Variants in IGSF5 observed in about 807,000 individuals in gnomAD.
IGSF5 encodes immunoglobulin superfamily 5 like.
Under a neutral mutation model 39.4 loss-of-function variants are expected in IGSF5, and 41 were observed. The observed-to-expected ratio is 1.04, with a 90% CI of 0.81 to 1.35. The LOEUF is 1.35. IGSF5 is among the 40% of genes most tolerant of loss of function. The pLI is 0.00. For missense variants in IGSF5, 487 were observed against 494.6 expected, an observed-to-expected ratio of 0.98 and a Z score of 0.15; for synonymous variants, 183 against 175.3, an observed-to-expected ratio of 1.04 and a Z score of -0.34.
intron 4 of IGSF5, among the ~76,000 whole-genome samples, chr21:39,773,709 A>G (rs2080126269): frequency 6.6e-6 from 1 of 152,124 alleles, no homozygotes. Context: ...GGAATCAGTC[A>G]TTTCTCCAGA....
At chr21:39,739,536 C>T in the IGSF5 span, among the ~76,000 whole-genome samples, 6 of 152,178 alleles carry the variant, frequency 3.9e-5, no homozygotes, top group Non-Finnish European at 7.3e-5. Context: ...TGGTCACCTT[C>T]CCAGCTAGGC....
chr21:39,733,084 GA>G, the IGSF5 span, among the ~76,000 whole-genome samples: 6 of 151,604 alleles, frequency 4.0e-5, no homozygotes, highest in South Asian at 2.1e-4. Flanking sequence ...TTTGAAAAAA[GA>G]AAAAAAGATA....
the IGSF5 span, among the ~76,000 whole-genome samples, chr21:39,712,256 C>A: frequency 5.3e-5 from 8 of 152,194 alleles, no homozygotes; most frequent in Non-Finnish European, 1.2e-4. Context: ...AGCTCCAGGG[C>A]AGTGCGGGAT....
the IGSF5 span, among the ~76,000 whole-genome samples, chr21:39,733,166 G>A: frequency 8.2e-3 from 1,250 of 152,174 alleles, 8 homozygotes; most frequent in Admixed American, 0.012. Context: ...AGTATTATTT[G>A]CAATATTGAA....
intron 8 of IGSF5, among the ~76,000 whole-genome samples, chr21:39,794,237 A>G (rs1292841334): frequency 6.6e-6 from 1 of 152,208 alleles, no homozygotes; most frequent in Admixed American, 6.5e-5. Flanking sequence ...TAACGTAGAT[A>G]AGGAATGTTA....
At chr21:39,773,308 T>C (rs1163310791) in intron 4 of IGSF5, among the ~76,000 whole-genome samples, 3 of 152,174 alleles carry the variant, frequency 2.0e-5, no homozygotes, top group African/African-American at 7.2e-5. Context: ...GGAGATGATT[T>C]TGTTCTTTTT....
the IGSF5 span, among the ~76,000 whole-genome samples, chr21:39,739,356 G>A: frequency 7.2e-5 from 11 of 151,930 alleles, no homozygotes; most frequent in South Asian, 2.1e-4. Context: ...TTGCTGGCTC[G>A]AATGCCTGGG....
chr21:39,770,853 A>AT, intron 3 of IGSF5, 63 bp from the exon 4 acceptor site: 1 of 1,182,452 alleles, frequency 8.5e-7, no homozygotes, highest in East Asian at 2.8e-5. Context: ...AAAAAAAAAA[A>AT]GAAAACTTAG....
chr21:39,745,709 G>A (rs2079970669), intron 1 of IGSF5, among the ~76,000 whole-genome samples, 183 bp downstream of exon 1: 1 of 152,128 alleles, frequency 6.6e-6, no homozygotes, highest in African/African-American at 2.4e-5. Context: ...ACCCCAGAAG[G>A]GTTGGGGGTT....
At chr21:39,716,923 C>T in the IGSF5 span, among the ~76,000 whole-genome samples, 2 of 152,186 alleles carry the variant, frequency 1.3e-5, no homozygotes, top group African/African-American at 4.8e-5. Context: ...GGAATCACCA[C>T]ACTGCTTTTC....
At chr21:39,742,834 A>G (rs2079954085), upstream of IGSF5, among the ~76,000 whole-genome samples, 1 of 152,012 alleles carries the variant, frequency 6.6e-6, no homozygotes, top group Non-Finnish European at 1.5e-5. Context: ...TCTCTATTAT[A>G]AAAAAGCGAG....
At position 39,793,537 on chromosome 21, in the gene IGSF5, C is replaced by A; in HGVS notation, c.1052C>A (p.Thr351Asn). 6.2e-7 allele frequency: 1 copy of A among 1,613,600 alleles called. No homozygotes were observed. The highest frequency in any genetic ancestry group is 1.7e-4 in the Middle Eastern group (1 of 6,060). ...TAAAATTGTTCTTCTGTTGCAGACA[C>A]CGCTTCTCTCCCTCCCAAATCCTGT... Reference protein sequence around the residue: ...YNSDEQKTTDTASLPPKSCES... With the variant: ...YNSDEQKTTDNASLPPKSCES... Residue 351 changes from threonine (T) to asparagine (N), a missense_variant, in exon 8 of 9, where the codon ACC (threonine) becomes AAC (asparagine). Thr to Asn is a moderately conservative substitution (Grantham distance 65). Transcript: ENST00000380588.
intron 8 of IGSF5, among the ~76,000 whole-genome samples, chr21:39,798,791 A>C (rs571167218): frequency 3.3e-5 from 5 of 152,278 alleles, no homozygotes; most frequent in Non-Finnish European, 7.3e-5. Flanking sequence ...AAGGTCCAGC[A>C]TGCCAAAGGC....
the IGSF5 span, among the ~76,000 whole-genome samples, chr21:39,714,102 G>A: frequency 6.6e-6 from 1 of 152,230 alleles, no homozygotes; most frequent in African/African-American, 2.4e-5. Context: ...ACTCCTCTCT[G>A]CTGATAAAGA....
intron 5 of IGSF5, among the ~76,000 whole-genome samples, chr21:39,779,748 TAC>T (rs2080160294): frequency 6.6e-6 from 1 of 152,172 alleles, no homozygotes; most frequent in Non-Finnish European, 1.5e-5. Flanking sequence ...TGTCCTTTGC[TAC>T]ACCCTGGAGA....
intron 2 of IGSF5, among the ~76,000 whole-genome samples, chr21:39,763,951 A>G (rs1301744563): frequency 6.6e-6 from 1 of 152,174 alleles, no homozygotes. Context: ...GTCAGGGAGA[A>G]TACCTAATCT....
At chr21:39,724,396 T>C in the IGSF5 span, among the ~76,000 whole-genome samples, 3 of 152,212 alleles carry the variant, frequency 2.0e-5, no homozygotes, top group Admixed American at 2.0e-4. Context: ...CACCCAAATC[T>C]CATCTTGAAT....
chr21:39,727,991 T>G, the IGSF5 span: 1 of 152,200 alleles, frequency 6.6e-6, no homozygotes, highest in South Asian at 2.1e-4. Context: ...AGAAAAATGC[T>G]GGTAAGTAAA....
At chr21:39,768,958 T>C (rs938161481) in intron 3 of IGSF5, among the ~76,000 whole-genome samples, 3 of 151,532 alleles carry the variant, frequency 2.0e-5, no homozygotes, top group Non-Finnish European at 4.4e-5. Flanking sequence ...AGATTCCTAT[T>C]ATTGTTGCCT....
Sources: gnomAD v4.1 joint callset for allele counts (sites outside exome capture counted in the v4.1 genomes callset) on GRCh38, gnomAD v4.1.1 for gene constraint, MANE v1.5 for transcripts, NCBI Gene and HGNC (gene_info 2026-07-23, HGNC 2026-07-21) for gene names.